NEGR1: variants seen among roughly 807,000 people sequenced by gnomAD.
NEGR1 encodes neuronal growth regulator 1.
Under a neutral mutation model 40.9 loss-of-function variants are expected in NEGR1, and 10 were observed. The observed-to-expected ratio is 0.24, with a 90% CI of 0.15 to 0.42. NEGR1 has a LOEUF of 0.42. NEGR1 is among the 10% of genes least tolerant of loss of function. NEGR1 has a pLI of 1.00. For synonymous variants in NEGR1, 185 were observed against 166.8 expected, an observed-to-expected ratio of 1.11 and a Z score of -0.84; for missense variants, 352 against 438.9, an observed-to-expected ratio of 0.80 and a Z score of 1.77.
At chr1:71,977,256 G>A (rs372865930) in intron 1 of NEGR1, among the ~76,000 whole-genome samples, 1 of 152,094 alleles carries the variant, frequency 6.6e-6, no homozygotes, top group Non-Finnish European at 1.5e-5. Context: ...AACCAGGGAG[G>A]TGGAGGTTGC....
chr1:72,232,851 C>A (rs1654416571), intron 1 of NEGR1, among the ~76,000 whole-genome samples: 1 of 152,068 alleles, frequency 6.6e-6, no homozygotes, highest in Admixed American at 6.6e-5. Flanking sequence ...CTCCTCAGAG[C>A]CTCTTTTTTG....
chr1:71,528,546 A>G lies in NEGR1; in HGVS notation c.940+64271T>C, dbSNP rs1157495361. On this transcript the variant is annotated intron_variant, in intron 6 of 6. Transcript: ENST00000357731. ...GACATTTTCCTTTTTAACAAAATAC[A>G]GTAAACTAGCAAAGTGAAAAATTAT... Among the ~76,000 whole-genome samples, 3 of 151,348 alleles carry G rather than the reference A, an allele frequency of 2.0e-5. No homozygotes were observed. The East Asian group carries it at 5.8e-4, about 29-fold the overall frequency.
chr1:72,240,627 C>A (rs1318629816), intron 1 of NEGR1, among the ~76,000 whole-genome samples: 1 of 151,804 alleles, frequency 6.6e-6, no homozygotes, highest in Non-Finnish European at 1.5e-5. Context: ...CAAACTGGAC[C>A]AGTCAAGAGC....
intron 1 of NEGR1, among the ~76,000 whole-genome samples, chr1:72,009,273 T>C (rs960442752): frequency 6.6e-6 from 1 of 152,088 alleles, no homozygotes; most frequent in African/African-American, 2.4e-5. Flanking sequence ...TCCTTTATTG[T>C]CAACTATAGC....
At chr1:71,408,826 G>A (rs1178334335) in intron 6 of NEGR1, 1 of 151,950 alleles carries the variant, frequency 6.6e-6, no homozygotes, top group African/African-American at 2.4e-5. Context: ...TCCAGGAGCA[G>A]GTTTAGTCAC....
chr1:71,926,198 G>A (rs1302202923), intron 2 of NEGR1, among the ~76,000 whole-genome samples: 1 of 152,020 alleles, frequency 6.6e-6, no homozygotes, highest in Non-Finnish European at 1.5e-5. Flanking sequence ...TTTTCAAATT[G>A]TAATTTTGGA....
chr1:71,792,387 A>G (rs934442607), intron 2 of NEGR1, among the ~76,000 whole-genome samples: 1 of 152,134 alleles, frequency 6.6e-6, no homozygotes, highest in Non-Finnish European at 1.5e-5. Flanking sequence ...AAATAGATGG[A>G]AATATGTTTC....
chr1:71,908,772 C>T (rs1570489295), intron 2 of NEGR1, among the ~76,000 whole-genome samples: 1 of 152,144 alleles, frequency 6.6e-6, no homozygotes, highest in East Asian at 1.9e-4. Flanking sequence ...TACAGTGTTA[C>T]AGTTTTTTTA....
chr1:72,213,233 T>A (rs1199998877), intron 1 of NEGR1, among the ~76,000 whole-genome samples: 1 of 151,948 alleles, frequency 6.6e-6, no homozygotes, highest in Non-Finnish European at 1.5e-5. Context: ...CAAGGTGTAA[T>A]CCGCAGATAC....
At chr1:71,980,810 AT>A (rs1390460502) in intron 1 of NEGR1, among the ~76,000 whole-genome samples, 6 of 152,022 alleles carry the variant, frequency 3.9e-5, no homozygotes, top group Non-Finnish European at 7.4e-5. Context: ...ATACCAAACC[AT>A]CTTTACTGGA....
At chr1:71,530,924 A>T (rs1343897240) in intron 6 of NEGR1, among the ~76,000 whole-genome samples, 5 of 150,878 alleles carry the variant, frequency 3.3e-5, no homozygotes, top group African/African-American at 1.2e-4. Flanking sequence ...TTTCCCCCAA[A>T]TTTAACCTAC....
chr1:71,659,019 A>G (rs1411740299), intron 4 of NEGR1, among the ~76,000 whole-genome samples: 1 of 152,174 alleles, frequency 6.6e-6, no homozygotes, highest in East Asian at 1.9e-4. Context: ...CCAATGTGAT[A>G]AGACATCATT....
chr1:71,725,628 C>A (rs549951467), intron 3 of NEGR1, among the ~76,000 whole-genome samples: 1 of 152,072 alleles, frequency 6.6e-6, no homozygotes, highest in Non-Finnish European at 1.5e-5. Context: ...TTAGTCTTCT[C>A]AGTATTTTGA....
chr1:71,897,811 T>C (rs1477494536), intron 2 of NEGR1, among the ~76,000 whole-genome samples: 1 of 152,186 alleles, frequency 6.6e-6, no homozygotes, highest in Non-Finnish European at 1.5e-5. Context: ...TCTAAAAATT[T>C]TGAGGAGTGC....
At position 72,122,103 on chromosome 1, in the gene NEGR1, T is replaced by C. The variant is rs1470308736; in HGVS notation, c.176+160216A>G. On this transcript the variant is annotated intron_variant, in intron 1 of 6. Coordinates refer to ENST00000357731, the MANE Select transcript of NEGR1 (RefSeq NM_173808.3). ...TTATCAATGATATACTGCAAGAACATATTTTCTATGCTTGTTCAAATCAAA... is the reference window on the plus strand; with the variant it reads ...TTATCAATGATATACTGCAAGAACACATTTTCTATGCTTGTTCAAATCAAA... 5.9e-5 allele frequency among the ~76,000 whole-genome samples: 9 copies of C among 152,050 alleles called. No individual in the cohort carries two copies. The East Asian group carries it at 1.5e-3, about 26-fold the overall frequency.
intron 1 of NEGR1, among the ~76,000 whole-genome samples, chr1:72,048,485 C>G (rs1647023753): frequency 6.7e-6 from 1 of 149,550 alleles, no homozygotes; most frequent in Admixed American, 6.7e-5. Context: ...GTGTAAGCGC[C>G]TTCAAGTTTC....
At chr1:71,977,906 ATTTC>A (rs1042177752) in intron 1 of NEGR1, among the ~76,000 whole-genome samples, 2 of 152,084 alleles carry the variant, frequency 1.3e-5, no homozygotes, top group Non-Finnish European at 2.9e-5. Flanking sequence ...GCCAGAATAA[ATTTC>A]TTTCCAACCT....
intron 4 of NEGR1, among the ~76,000 whole-genome samples, chr1:71,613,128 A>G (rs190680998): frequency 3.3e-5 from 5 of 152,278 alleles, no homozygotes; most frequent in Admixed American, 3.3e-4. Flanking sequence ...TAAAGTAGGG[A>G]ATGCAGTAAG....
chr1:71,780,188 G>A (rs923518900), intron 2 of NEGR1, among the ~76,000 whole-genome samples: 1 of 151,766 alleles, frequency 6.6e-6, no homozygotes, highest in African/African-American at 2.4e-5. Flanking sequence ...ATGCAAAAAG[G>A]AGCAGATGTA....
Sources: gnomAD v4.1 joint callset for allele counts (sites outside exome capture counted in the v4.1 genomes callset) on GRCh38, gnomAD v4.1.1 for gene constraint, MANE v1.5 for transcripts, NCBI Gene and HGNC (gene_info 2026-07-23, HGNC 2026-07-21) for gene names.